TSNAXIP1: variants seen among roughly 807,000 people sequenced by gnomAD.
TSNAXIP1 encodes translin-associated factor X-interacting protein 1.
Under a neutral mutation model 84.8 loss-of-function variants are expected in TSNAXIP1, and 89 were observed. The observed-to-expected ratio is 1.05, with a 90% CI of 0.88 to 1.25. The LOEUF (loss-of-function observed/expected upper bound fraction) is 1.25, where lower values mean the gene tolerates loss of function less well. Ranked by LOEUF, TSNAXIP1 falls within the 50% of genes most tolerant of loss-of-function variation. The pLI is 0.00. For synonymous variants in TSNAXIP1, 347 were observed against 335.2 expected, an observed-to-expected ratio of 1.04 and a Z score of -0.39; for missense variants, 874 against 887.6, an observed-to-expected ratio of 0.98 and a Z score of 0.20.
chr16:67,826,866 T>C, intron 12 of TSNAXIP1, 22 bp downstream of exon 12: 3 of 1,612,260 alleles, frequency 1.9e-6, no homozygotes, highest in Non-Finnish European at 1.7e-6. Flanking sequence ...CCTATTCCCC[T>C]TGGGGAGACT....
rs2057295813 is a variant in TSNAXIP1 at position 67,824,484 on chromosome 16, T to C, written c.482-99T>C. 5 of 1,156,176 alleles carry C rather than the reference T, an allele frequency of 4.3e-6. 1 individual carries two copies. In the Admixed American group the frequency reaches 9.1e-5, roughly 21 times the overall value. 71.6% of individuals were successfully genotyped at this position (1,156,176 alleles called of 1,614,324 possible). On this transcript the variant is annotated intron_variant, in intron 5 of 15. Coordinates refer to ENST00000561639, the MANE Select transcript of TSNAXIP1 (RefSeq NM_001288990.3). Reference sequence around the variant, plus strand: ...ACAAGGCATGCAGAGATTCTTGGGGTTTGCAAGCGACATAGCCACTCACCC... The same window carrying C: ...ACAAGGCATGCAGAGATTCTTGGGGCTTGCAAGCGACATAGCCACTCACCC...
At chr16:67,819,609 C>T (rs1209188713) in intron 2 of TSNAXIP1, among the ~76,000 whole-genome samples, 1 of 151,480 alleles carries the variant, frequency 6.6e-6, no homozygotes, top group East Asian at 1.9e-4. Flanking sequence ...CTAGCAAGTA[C>T]CAGGGTCCAT....
chr16:67,811,628 G>A (rs2056095923), intron 1 of TSNAXIP1, among the ~76,000 whole-genome samples: 1 of 151,512 alleles, frequency 6.6e-6, no homozygotes, highest in African/African-American at 2.4e-5. Flanking sequence ...TTTTTTAGTA[G>A]AGACAGGGTT....
chr16:67,815,901 G>C (rs1402326844), intron 2 of TSNAXIP1, among the ~76,000 whole-genome samples: 2 of 150,754 alleles, frequency 1.3e-5, no homozygotes, highest in African/African-American at 4.9e-5. Flanking sequence ...CTGGGTTCAA[G>C]TGATTATCCT....
Position 67,827,998 on chromosome 16 carries a change from T to C in TSNAXIP1, c.*5T>C, listed in dbSNP as rs2151280681. 1.2e-6 allele frequency: 2 copies of C among 1,612,306 alleles called. No homozygotes were observed. The highest frequency in any genetic ancestry group is 2.7e-5 in the African/African-American group (2 of 74,976). On this transcript the variant is annotated 3_prime_UTR_variant, in exon 16 of 16. Transcript: ENST00000561639. ...GAGCCAGAGCCTGCAAGCTAGGAAC[T>C]TGTGGGCAGCCTGCGTACTCCAGTC...
In TSNAXIP1 at chr16:67,814,401, GGTTAGTGACAAT is replaced by G; in HGVS notation, c.147+4_147+15del. On this transcript the variant is annotated splice_donor_variant and splice_donor_5th_base_variant and intron_variant, in intron 2 of 15. Transcript: ENST00000561639. LOFTEE classifies it high-confidence loss of function. ...AGCTTCTTCAGAAACGAAGGACGCT[GGTTAGTGACAAT>G]GTTGTTTTGGAACCCCAAATGTCAG... 2 of 1,535,594 alleles carry G rather than the reference GGTTAGTGACAAT, an allele frequency of 1.3e-6. No homozygotes were observed. Among genetic ancestry groups the G allele is most frequent in the Non-Finnish European group, 1.7e-6 (2 of 1,146,522 alleles).
intron 1 of TSNAXIP1, chr16:67,807,409 G>GT: frequency 2.0e-6 from 3 of 1,516,472 alleles, no homozygotes; most frequent in Non-Finnish European, 2.6e-6. Flanking sequence ...ATCATTACTA[G>GT]TAACAACCAG....
At chr16:67,824,446 A>G (rs1391174361) in intron 5 of TSNAXIP1, 137 bp from the exon 6 acceptor site, 1 of 790,246 alleles carries the variant, frequency 1.3e-6, no homozygotes, top group Non-Finnish European at 2.0e-6. Flanking sequence ...TGAAACAGGG[A>G]CCATGGCTTT....
In TSNAXIP1 at chr16:67,826,699, C is replaced by T. The variant is rs748128084; in HGVS notation, c.1409C>T (p.Thr470Met). The T allele has an allele frequency of 6.8e-6, 11 of 1,613,300 alleles. No homozygotes were observed. The highest frequency in any genetic ancestry group is 2.2e-5 in the South Asian group (2 of 90,974). Residue 470 changes from threonine (T) to methionine (M), a missense_variant, in exon 12 of 16, where the codon ACG becomes ATG. Coordinates refer to ENST00000561639, the MANE Select transcript of TSNAXIP1 (RefSeq NM_001288990.3). ...KERLAEEQKETFPDFFFNFLE... is the reference protein window; with the variant it reads ...KERLAEEQKEMFPDFFFNFLE... ...ATTTCCTCGATCCCGCAGAAAGAGA[C>T]GTTCCCAGATTTCTTCTTCAATTTC...
At chr16:67,821,064 G>A (rs985027790) in intron 3 of TSNAXIP1, 35 bp from the exon 4 acceptor site, 1 of 1,612,390 alleles carries the variant, frequency 6.2e-7, no homozygotes, top group Non-Finnish European at 8.5e-7. Context: ...GCCCCGTGGG[G>A]GTGCTGGCCA....
intron 1 of TSNAXIP1, among the ~76,000 whole-genome samples, chr16:67,808,112 A>G (rs2151179760): frequency 6.6e-6 from 1 of 152,250 alleles, no homozygotes; most frequent in South Asian, 2.1e-4. Flanking sequence ...TTTAGGCAGA[A>G]TATGTGAAGC....
At chr16:67,814,761 C>T (rs920956080) in intron 2 of TSNAXIP1, among the ~76,000 whole-genome samples, 6 of 152,152 alleles carry the variant, frequency 3.9e-5, no homozygotes, top group East Asian at 1.9e-4. Flanking sequence ...CCTGCTGGGA[C>T]GGTCACACCA....
intron 2 of TSNAXIP1, among the ~76,000 whole-genome samples, 176 bp downstream of exon 2, chr16:67,814,577 T>C (rs551368759): frequency 3.5e-4 from 53 of 152,196 alleles, no homozygotes; most frequent in African/African-American, 1.3e-3. Context: ...CCACCAGGCT[T>C]TGGGGAGAAG....
At chr16:67,824,074 G>T (rs550330171) in intron 5 of TSNAXIP1, among the ~76,000 whole-genome samples, 179 of 152,116 alleles carry the variant, frequency 1.2e-3, no homozygotes, top group Non-Finnish European at 2.1e-3. Context: ...CCTGGAAGGG[G>T]TGGAGAAGAT....
chr16:67,812,153 C>T lies in TSNAXIP1; in HGVS notation c.48-2149C>T, dbSNP rs931204125. 1.6e-4 allele frequency among the ~76,000 whole-genome samples: 25 copies of T among 152,218 alleles called. 1 individual carries two copies. The highest frequency in any genetic ancestry group is 1.3e-3 in the Admixed American group (20 of 15,262). On this transcript the variant is annotated intron_variant, in intron 1 of 15. Transcript: ENST00000561639. ...AGTGAACACAAGATCTATCTGGCAACATAAATCACACACCCCCACCCCATG... is the reference window on the plus strand; with the variant it reads ...AGTGAACACAAGATCTATCTGGCAATATAAATCACACACCCCCACCCCATG...
chr16:67,814,548 T>C, intron 2 of TSNAXIP1, 147 bp downstream of exon 2: 1 of 711,950 alleles, frequency 1.4e-6, no homozygotes, highest in East Asian at 2.7e-5. Flanking sequence ...TTAGAGAGTG[T>C]GGCTCAGAGA....
Position 67,826,079 on chromosome 16 carries a change from G to A in TSNAXIP1, c.1144+3G>A. On this transcript the variant is annotated splice_donor_region_variant and intron_variant, in intron 9 of 15. Transcript: ENST00000561639. ...GCCTGACTGGACCAAGTGCAAAGGT[G>A]AGGGCAGCCGGCAGGGCCCCAGGTC... is the stretch of plus-strand genomic sequence containing the variant. 2 of 1,613,392 alleles carry A rather than the reference G, an allele frequency of 1.2e-6. No homozygotes were observed. The highest frequency in any genetic ancestry group is 1.7e-6 in the Non-Finnish European group (2 of 1,180,024).
intron 6 of TSNAXIP1, among the ~76,000 whole-genome samples, 161 bp from the exon 7 acceptor site, chr16:67,824,976 C>T (rs1217871303): frequency 6.6e-6 from 1 of 152,244 alleles, no homozygotes; most frequent in Non-Finnish European, 1.5e-5. Flanking sequence ...AACATTGGCA[C>T]CTTGCCGAAT....
At position 67,821,104 on chromosome 16, in the gene TSNAXIP1, G is replaced by A. The variant is rs373801439; in HGVS notation, c.266G>A (p.Cys89Tyr). 6.2e-7 allele frequency: 1 copy of A among 1,613,258 alleles called. No homozygotes were observed. Among genetic ancestry groups the A allele is most frequent in the African/African-American group, 1.3e-5 (1 of 74,938 alleles). ...TCAGCCACTGTCCCCTGCAGGAGCT[G>A]CCAGCAGCACCCCTTTCGCACTGCC... ...SDDYRKRVGS[C>Y]QQHPFRTAKP... is the part of the protein sequence containing the mutation. Residue 89 changes from cysteine (C) to tyrosine (Y), a missense_variant, in exon 4 of 16, where the codon TGC becomes TAC. By Grantham distance (194) the Cys-to-Tyr change is radical. Coordinates refer to ENST00000561639, the MANE Select transcript of TSNAXIP1 (RefSeq NM_001288990.3).
Sources: allele counts gnomAD v4.1 joint callset (sites outside exome capture counted in the v4.1 genomes callset), GRCh38; gene constraint gnomAD v4.1.1; transcripts MANE v1.5; gene names NCBI Gene and HGNC (gene_info 2026-07-23, HGNC 2026-07-21).